The following SHISA9 variants were observed in gnomAD, a reference collection of about 807,000 sequenced individuals.
SHISA9 encodes the protein shisa family member 9, also known as protein shisa-9.
SHISA9 carries 13 observed loss-of-function variants against 38.0 expected under a neutral mutation model. The ratio of observed to expected loss-of-function variants is 0.34; its 90% CI spans 0.22 to 0.54. The LOEUF (loss-of-function observed/expected upper bound fraction) is 0.54, where lower values mean the gene tolerates loss of function less well. Among genes scored for constraint, SHISA9 ranks in the 20% least tolerant of loss-of-function variants. SHISA9 has a pLI of 0.91. For synonymous variants in SHISA9, 275 were observed against 242.0 expected, an observed-to-expected ratio of 1.14 and a Z score of -1.27; for missense variants, 538 against 575.8, an observed-to-expected ratio of 0.93 and a Z score of 0.67.
chr16:13,116,993 C>T lies in SHISA9; in HGVS notation c.692-86401C>T, dbSNP rs1402019320. On this transcript the variant is annotated intron_variant, in intron 2 of 4. Coordinates refer to ENST00000558583, the MANE Select transcript of SHISA9 (RefSeq NM_001145204.3). ...GGTTATTTTATTTTATTTTTTGAGA[C>T]AGAGTCTCACTCTGTTGCCCAGGCT... 2.0e-5 allele frequency among the ~76,000 whole-genome samples: 3 copies of T among 152,200 alleles called. No individual in the cohort carries two copies. In the East Asian group the frequency reaches 5.8e-4, roughly 29 times the overall value.
the SHISA9 span, among the ~76,000 whole-genome samples, chr16:13,461,623 A>C: frequency 2.8e-5 from 3 of 106,866 alleles, no homozygotes; most frequent in Admixed American, 1.2e-4. Flanking sequence ...TTTTTTTTTA[A>C]TTTTTTTTTT....
the SHISA9 span, among the ~76,000 whole-genome samples, chr16:13,258,683 T>C: frequency 6.6e-6 from 1 of 152,166 alleles, no homozygotes; most frequent in African/African-American, 2.4e-5. Context: ...AGCCACTTCT[T>C]ACATGGTGGT....
intron 2 of SHISA9, among the ~76,000 whole-genome samples, chr16:13,102,867 AG>A (rs2073892335): frequency 6.6e-6 from 1 of 152,218 alleles, no homozygotes; most frequent in African/African-American, 2.4e-5. Flanking sequence ...TTAATTTAAA[AG>A]GATAAATTGC....
chr16:13,311,803 T>G, the SHISA9 span, among the ~76,000 whole-genome samples: 1 of 152,230 alleles, frequency 6.6e-6, no homozygotes, highest in Admixed American at 6.5e-5. Flanking sequence ...CTTCCTCTAC[T>G]ACTTACCAGT....
At chr16:12,958,700 A>G (rs368181410) in intron 2 of SHISA9, among the ~76,000 whole-genome samples, 27 of 152,296 alleles carry the variant, frequency 1.8e-4, no homozygotes, top group African/African-American at 6.3e-4. Context: ...CACAGTCACT[A>G]CATGAGGTCA....
the SHISA9 span, among the ~76,000 whole-genome samples, chr16:13,342,818 C>T: frequency 6.6e-6 from 1 of 152,186 alleles, no homozygotes; most frequent in Non-Finnish European, 1.5e-5. Context: ...TGTTCTCCCT[C>T]CACCATACTT....
At chr16:13,475,302 A>G in the SHISA9 span, among the ~76,000 whole-genome samples, 3 of 136,338 alleles carry the variant, frequency 2.2e-5, no homozygotes, top group Non-Finnish European at 4.8e-5. Context: ...CATGTCAAAA[A>G]TGAGGAAACA....
intron 2 of SHISA9, among the ~76,000 whole-genome samples, chr16:13,151,586 A>G (rs1045812639): frequency 1.3e-5 from 2 of 152,210 alleles, no homozygotes; most frequent in Admixed American, 1.3e-4. Context: ...GTTAGTAACT[A>G]TCTCTACTCT....
chr16:13,366,895 A>T, the SHISA9 span, among the ~76,000 whole-genome samples: 2 of 151,740 alleles, frequency 1.3e-5, no homozygotes, highest in Admixed American at 6.6e-5. Flanking sequence ...AGGCAGGAGA[A>T]TCACTTGAAC....
At chr16:13,419,627 G>C in the SHISA9 span, among the ~76,000 whole-genome samples, 1 of 152,192 alleles carries the variant, frequency 6.6e-6, no homozygotes, top group Admixed American at 6.5e-5. Flanking sequence ...TAGAGTGGCT[G>C]TTTACTTACG....
At chr16:13,196,119 C>CGGGTG (rs2050937591) in intron 2 of SHISA9, among the ~76,000 whole-genome samples, 2 of 123,684 alleles carry the variant, frequency 1.6e-5, no homozygotes, top group Non-Finnish European at 3.3e-5. Flanking sequence ...AAAAAAAGGC[C>CGGGTG]AGGTGTGGTG....
the SHISA9 span, among the ~76,000 whole-genome samples, chr16:13,255,403 C>G: frequency 1.3e-5 from 2 of 152,208 alleles, no homozygotes; most frequent in Non-Finnish European, 2.9e-5. Context: ...CTTTGGGACT[C>G]TGTGTCTCTT....
intron 2 of SHISA9, among the ~76,000 whole-genome samples, chr16:13,158,075 G>T (rs963746383): frequency 6.6e-6 from 1 of 152,010 alleles, no homozygotes; most frequent in East Asian, 1.9e-4. Context: ...CCGGAACCTT[G>T]GGGCCAGACC....
At chr16:13,355,728 G>C in the SHISA9 span, among the ~76,000 whole-genome samples, 1 of 152,160 alleles carries the variant, frequency 6.6e-6, no homozygotes, top group Non-Finnish European at 1.5e-5. Flanking sequence ...CCTCCGTATT[G>C]ATTAAGAAAG....
chr16:13,278,220 A>G, the SHISA9 span, among the ~76,000 whole-genome samples: 21 of 152,098 alleles, frequency 1.4e-4, no homozygotes, highest in Admixed American at 1.3e-3. Flanking sequence ...TATCACATTT[A>G]TTGACTTGCG....
intron 2 of SHISA9, among the ~76,000 whole-genome samples, chr16:13,112,239 G>T (rs2073986059): frequency 6.6e-6 from 1 of 152,084 alleles, no homozygotes; most frequent in Non-Finnish European, 1.5e-5. Flanking sequence ...GAGCAATTTG[G>T]TGTTTTAGTT....
intron 2 of SHISA9, among the ~76,000 whole-genome samples, chr16:13,171,358 A>T (rs1489797161): frequency 6.6e-6 from 1 of 152,136 alleles, no homozygotes; most frequent in Non-Finnish European, 1.5e-5. Context: ...CTTCTAGTTC[A>T]TGGAAAGCTA....
chr16:13,031,127 A>G (rs1357544882), intron 2 of SHISA9, among the ~76,000 whole-genome samples: 1 of 152,212 alleles, frequency 6.6e-6, no homozygotes, highest in Non-Finnish European at 1.5e-5. Flanking sequence ...CACTGTGATT[A>G]CCATGGGTCT....
At chr16:13,118,730 C>CTTTTTTTTTTTTTTTTTT (rs34471353) in intron 2 of SHISA9, among the ~76,000 whole-genome samples, 1 of 130,778 alleles carries the variant, frequency 7.6e-6, no homozygotes, top group Non-Finnish European at 1.6e-5. Context: ...TTTCTTTTTT[C>CTTTTTTTTTTTTTTTTTT]TTTTTTTTTT....
Sources: gnomAD v4.1 joint callset for allele counts (sites outside exome capture counted in the v4.1 genomes callset) on GRCh38, gnomAD v4.1.1 for gene constraint, MANE v1.5 for transcripts, NCBI Gene and HGNC (gene_info 2026-07-23, HGNC 2026-07-21) for gene names.